Variants in ADSS2 observed in about 807,000 individuals in gnomAD.
The protein encoded by ADSS2 is adenylosuccinate synthetase isozyme 2.
In ADSS2, 30 loss-of-function variants were observed where a neutral mutation model predicts 60.0. The ratio of observed to expected loss-of-function variants is 0.50; its 90% CI spans 0.37 to 0.68. The LOEUF is 0.68. Ranked by LOEUF, ADSS2 falls within the 30% of genes least tolerant of loss-of-function variation. ADSS2 has a pLI of 0.00. For missense variants in ADSS2, 373 were observed against 554.8 expected (o/e 0.67, Z 3.29); for synonymous variants, 187 against 193.1 (o/e 0.97, Z 0.26).
chr1:244,420,101 T>C (rs2147993316), intron 8 of ADSS2, 69 bp downstream of exon 8: 2 of 1,468,774 alleles, frequency 1.4e-6, no homozygotes, highest in Non-Finnish European at 1.8e-6. Flanking sequence ...ATGCTAACAT[T>C]AATTATTTAT....
chr1:244,433,859 TA>T (rs35132231), intron 3 of ADSS2, among the ~76,000 whole-genome samples: 17,216 of 94,870 alleles, frequency 0.18, 1,515 homozygotes, highest in Admixed American at 0.24. Flanking sequence ...ACTCCATCTT[TA>T]AAAAAAAAAA....
intron 4 of ADSS2, among the ~76,000 whole-genome samples, chr1:244,426,180 A>G (rs1664799614): frequency 6.6e-6 from 1 of 152,200 alleles, no homozygotes; most frequent in African/African-American, 2.4e-5. Context: ...TTTGCAAATC[A>G]GTCATGACAA....
At chr1:244,419,472 T>A (rs1664628594) in intron 8 of ADSS2, among the ~76,000 whole-genome samples, 1 of 152,196 alleles carries the variant, frequency 6.6e-6, no homozygotes, top group Non-Finnish European at 1.5e-5. Flanking sequence ...AAGTAGACAC[T>A]CTGTTTTCTT....
chr1:244,440,182 T>C (rs1427130629), intron 1 of ADSS2, among the ~76,000 whole-genome samples: 2 of 152,228 alleles, frequency 1.3e-5, no homozygotes, highest in East Asian at 3.8e-4. Context: ...AAATCTGGTG[T>C]TCCTGTAGGA....
At chr1:244,440,278 A>G (rs945907160) in intron 1 of ADSS2, among the ~76,000 whole-genome samples, 15 of 152,160 alleles carry the variant, frequency 9.9e-5, no homozygotes, top group African/African-American at 3.6e-4. Flanking sequence ...GAATGTTACA[A>G]CTTTTACCAA....
At chr1:244,443,182 C>T (rs1051062474) in intron 1 of ADSS2, among the ~76,000 whole-genome samples, 6 of 152,198 alleles carry the variant, frequency 3.9e-5, no homozygotes, top group South Asian at 2.1e-4. Context: ...TGTTCTACTT[C>T]TAACGGAAAC....
At chr1:244,423,915 G>A in intron 6 of ADSS2, 38 bp downstream of exon 6, 1 of 1,518,430 alleles carries the variant, frequency 6.6e-7, no homozygotes. Flanking sequence ...ATCAAAAAAT[G>A]CATTCATTCC....
At chr1:244,418,573 T>C (rs1664589558) in intron 9 of ADSS2, among the ~76,000 whole-genome samples, 187 bp downstream of exon 9, 2 of 152,244 alleles carry the variant, frequency 1.3e-5, no homozygotes, top group Middle Eastern at 6.8e-3. Context: ...TGCCTGCCTC[T>C]GCCTCCCAAA....
chr1:244,443,411 T>C (rs1001163145), intron 1 of ADSS2, among the ~76,000 whole-genome samples: 2 of 152,168 alleles, frequency 1.3e-5, no homozygotes, highest in African/African-American at 4.8e-5. Context: ...AACAAAAAAA[T>C]AGAATATGTT....
At chr1:244,415,283 A>G (rs1311457441) in intron 11 of ADSS2, among the ~76,000 whole-genome samples, 1 of 152,208 alleles carries the variant, frequency 6.6e-6, no homozygotes, top group Non-Finnish European at 1.5e-5. Flanking sequence ...TGGAACAGCC[A>G]GTTTTCCAAG....
chr1:244,424,688 C>G (rs910823962), intron 4 of ADSS2: 1 of 246,830 alleles, frequency 4.1e-6, no homozygotes, highest in African/African-American at 2.3e-5. Context: ...CAAAAATACT[C>G]TTTTTTCTTC....
At chr1:244,429,784 A>G (rs2148002028) in intron 4 of ADSS2, among the ~76,000 whole-genome samples, 1 of 152,258 alleles carries the variant, frequency 6.6e-6, no homozygotes, top group Non-Finnish European at 1.5e-5. Context: ...CAGGAGGCTG[A>G]GGCACGAGAA....
At chr1:244,436,324 A>G (rs768898154) in intron 3 of ADSS2, among the ~76,000 whole-genome samples, 3 of 152,226 alleles carry the variant, frequency 2.0e-5, no homozygotes, top group Non-Finnish European at 4.4e-5. Context: ...AGGAAAGGCA[A>G]GAATCCAGGA....
At chr1:244,439,620 A>G (rs1665187215) in intron 1 of ADSS2, among the ~76,000 whole-genome samples, 1 of 152,160 alleles carries the variant, frequency 6.6e-6, no homozygotes, top group South Asian at 2.1e-4. Context: ...GGTTGGGGGA[A>G]GAGGGGCACA....
At chr1:244,420,826 G>A (rs1413123893) in intron 7 of ADSS2, among the ~76,000 whole-genome samples, 2 of 152,100 alleles carry the variant, frequency 1.3e-5, no homozygotes, top group African/African-American at 4.8e-5. Context: ...TCCCACCACA[G>A]CCTCCTGGGT....
intron 8 of ADSS2, 67 bp from the exon 9 acceptor site, chr1:244,418,981 C>T (rs1432584927): frequency 3.5e-5 from 48 of 1,359,290 alleles, no homozygotes; most frequent in Non-Finnish European, 4.4e-5. Flanking sequence ...ACAGAATTAC[C>T]GTTACAATTC....
chr1:244,451,590 C>A lies in ADSS2; in HGVS notation c.183+45G>T. ...CCCGGGCACCAGGAGCCAGGCAGCC[C>A]GAGCTCCCGGGCCCGGCTTCCCATG... On this transcript the variant is annotated intron_variant, in intron 1 of 12. Coordinates refer to ENST00000366535, the MANE Select transcript of ADSS2 (RefSeq NM_001126.5). This position sits in a 1 kb window ranked among gnomAD's most constrained non-coding sequence, Gnocchi z 6.6. The A allele has an allele frequency of 6.4e-7, 1 of 1,560,538 alleles. No homozygotes were observed. Among genetic ancestry groups the A allele is most frequent in the Non-Finnish European group, 8.7e-7 (1 of 1,154,974 alleles).
chr1:244,432,104 A>G (rs1450352275), intron 4 of ADSS2, among the ~76,000 whole-genome samples: 7 of 152,230 alleles, frequency 4.6e-5, no homozygotes, highest in African/African-American at 1.7e-4. Context: ...TCCCAAATTT[A>G]TTGGTAGTGG....
chr1:244,417,705 A>G lies in ADSS2; in HGVS notation c.993T>C (p.Thr331=), dbSNP rs1380747961. Residue 331 remains threonine (T), a synonymous_variant, in exon 10 of 13, where the codon ACT becomes ACC. Coordinates refer to ENST00000366535, the MANE Select transcript of ADSS2 (RefSeq NM_001126.5). ...LQTRGREFGV[T]TGRKRRCGWL... Reference sequence around the variant, plus strand: ...AGCCACATCTTCTTTTCCTTCCAGTAGTTACACCAAACTCTCTACCCCTTG... The same window carrying G: ...AGCCACATCTTCTTTTCCTTCCAGTGGTTACACCAAACTCTCTACCCCTTG... 6.2e-7 allele frequency: 1 copy of G among 1,613,312 alleles called. No individual in the cohort carries two copies. The highest frequency in any genetic ancestry group is 1.1e-5 in the South Asian group (1 of 91,058).
Sources: gnomAD v4.1 joint callset for allele counts (sites outside exome capture counted in the v4.1 genomes callset) on GRCh38, gnomAD v4.1.1 for gene constraint, Gnocchi (gnomAD v3.1) non-coding constraint, MANE v1.5 for transcripts, NCBI Gene and HGNC (gene_info 2026-07-23, HGNC 2026-07-21) for gene names.